PPP1R13B: variants seen among roughly 807,000 people sequenced by gnomAD.
The protein encoded by PPP1R13B is protein phosphatase 1 regulatory subunit 13B.
In PPP1R13B, 44 loss-of-function variants were observed where a neutral mutation model predicts 119.8. The ratio of observed to expected loss-of-function variants is 0.37; its 90% CI spans 0.29 to 0.47. PPP1R13B has a LOEUF of 0.47. PPP1R13B is among the 20% of genes least tolerant of loss of function. The probability of loss-of-function intolerance (pLI) is 0.99; values close to 1 mark genes in which losing one functional copy is unlikely to be tolerated. For synonymous variants in PPP1R13B, 542 were observed against 561.5 expected, an observed-to-expected ratio of 0.97 and a Z score of 0.49; for missense variants, 1,227 against 1,413.5, an observed-to-expected ratio of 0.87 and a Z score of 2.12.
intron 2 of PPP1R13B, among the ~76,000 whole-genome samples, chr14:103,789,916 G>A (rs1010738258): frequency 6.6e-6 from 1 of 152,078 alleles, no homozygotes. Flanking sequence ...TGAGGTGTAA[G>A]ATAAAGAGGA....
At position 103,764,530 on chromosome 14, in the gene PPP1R13B, A is replaced by T. The variant is rs150092031; in HGVS notation, c.355-6779T>A. The T allele has an allele frequency of 3.1e-5, 10 of 320,686 alleles. No homozygotes were observed. The Middle Eastern group carries it at 1.5e-3, about 50-fold the overall frequency. 19.9% of individuals were successfully genotyped at this position (320,686 alleles called of 1,614,324 possible). A position where few individuals can be genotyped will look rare whatever the true frequency, so the allele number is the denominator to read the frequency against. On this transcript the variant is annotated intron_variant, in intron 4 of 16. Coordinates refer to ENST00000202556, the MANE Select transcript of PPP1R13B (RefSeq NM_015316.3). The stretch of plus-strand genomic sequence containing the variant: ...AAATTATTATAGAAGTACAAAATAC[A>T]TCCACAATGTTAATTATTGTAGTCA...
In PPP1R13B at chr14:103,778,809, G is replaced by T. The variant is rs368521027; in HGVS notation, c.290C>A (p.Thr97Asn). The change falls in exon 4 of 17, where the codon ACC becomes AAC. Residue 97 changes from threonine (T) to asparagine (N), a missense_variant. Thr to Asn is a moderately conservative substitution (Grantham distance 65, BLOSUM62 0). Coordinates refer to ENST00000202556, the MANE Select transcript of PPP1R13B (RefSeq NM_015316.3). ...TENSEQGGRQ[T>N]QEQRTQRNVI... ...ATTTCTCTGAGTTCGTTGCTCTTGGGTCTGACGGCCACCTAAAGAAATAAA... is the reference window on the plus strand; with the variant it reads ...ATTTCTCTGAGTTCGTTGCTCTTGGTTCTGACGGCCACCTAAAGAAATAAA... 8 of 1,613,762 alleles carry T rather than the reference G, an allele frequency of 5.0e-6. No homozygotes were observed. The African/African-American group carries it at 5.3e-5, about 11-fold the overall frequency.
Position 103,847,282 on chromosome 14 carries a change from CG to C in PPP1R13B, c.9+16del. ...CGCGGAGGAAGCCGCCGCCACCTCC[CG>C]CCCGCCCTCACCCACCGGCATCATC... On this transcript the variant is annotated intron_variant, in intron 1 of 16. Coordinates refer to ENST00000202556, the MANE Select transcript of PPP1R13B (RefSeq NM_015316.3). 1 of 1,231,534 alleles carries C rather than the reference CG, an allele frequency of 8.1e-7. No individual in the cohort carries two copies. Among genetic ancestry groups the C allele is most frequent in the South Asian group, 1.8e-5 (1 of 56,764 alleles). The allele number at this position is 1,231,534 out of a possible 1,614,324, so 76.3% of individuals were successfully genotyped here.
chr14:103,747,280 G>T (rs948887061), intron 8 of PPP1R13B: 1 of 152,172 alleles, frequency 6.6e-6, no homozygotes, highest in Admixed American at 6.5e-5. Flanking sequence ...AGGTCATTTC[G>T]GGGTGAGGGG....
Position 103,738,796 on chromosome 14 carries a change from T to C in PPP1R13B, c.2747A>G (p.Lys916Arg). Residue 916 changes from lysine (K) to arginine (R), a missense_variant, in exon 14 of 17, where the codon AAG becomes AGG. Lys to Arg is a conservative substitution (Grantham distance 26, BLOSUM62 2). Transcript: ENST00000202556. This position sits in a 1 kb window ranked among gnomAD's most constrained non-coding sequence, Gnocchi z 5.6. ...TGGGGTGATCCCTTCGTCGTTGGGC[T>C]TGCTGGGATCTTCCACCTAGGACAC... The part of the protein sequence containing the change: ...RIIYEVEDPS[K>R]PNDEGITPLH... The C allele has an allele frequency of 6.2e-7, 1 of 1,614,160 alleles. No homozygotes were observed. Among genetic ancestry groups the C allele is most frequent in the Non-Finnish European group, 8.5e-7 (1 of 1,180,034 alleles).
intron 2 of PPP1R13B, chr14:103,794,543 G>T (rs749356398): frequency 3.6e-5 from 13 of 361,996 alleles, no homozygotes; most frequent in South Asian, 1.3e-4. Context: ...GGCCAGGCTG[G>T]TCTCAAACTC....
intron 12 of PPP1R13B, among the ~76,000 whole-genome samples, 199 bp downstream of exon 12, chr14:103,739,621 ATTTG>A (rs1398770941): frequency 6.6e-6 from 1 of 152,106 alleles, no homozygotes; most frequent in Non-Finnish European, 1.5e-5. Flanking sequence ...CACATTGTGC[ATTTG>A]TGTGGCCGAG....
chr14:103,758,347 C>T (rs565299162), intron 4 of PPP1R13B, among the ~76,000 whole-genome samples: 39 of 152,296 alleles, frequency 2.6e-4, no homozygotes, highest in African/African-American at 9.1e-4. Context: ...ATGCCCTGAA[C>T]TAAACACTTT....
intron 1 of PPP1R13B, among the ~76,000 whole-genome samples, chr14:103,821,046 A>G (rs555907454): frequency 1.2e-4 from 19 of 152,026 alleles, no homozygotes; most frequent in African/African-American, 4.6e-4. Flanking sequence ...AAAATCTTAG[A>G]GCCAGATTAG....
chr14:103,762,132 C>T (rs950199536), intron 4 of PPP1R13B, among the ~76,000 whole-genome samples: 1 of 152,160 alleles, frequency 6.6e-6, no homozygotes, highest in Non-Finnish European at 1.5e-5. Context: ...AGTCACAGTG[C>T]AATCTCCCCA....
At chr14:103,806,366 G>A (rs568482258) in intron 1 of PPP1R13B, among the ~76,000 whole-genome samples, 20 of 152,188 alleles carry the variant, frequency 1.3e-4, no homozygotes, top group Non-Finnish European at 2.6e-4. Context: ...GGAGCTCAGG[G>A]ATAACAAAAA....
intron 4 of PPP1R13B, among the ~76,000 whole-genome samples, chr14:103,765,652 C>T (rs1181277299): frequency 6.6e-6 from 1 of 152,176 alleles, no homozygotes; most frequent in East Asian, 1.9e-4. Flanking sequence ...GCATATTTCA[C>T]TCATGCTCTT....
chr14:103,819,152 T>G (rs914174009), intron 1 of PPP1R13B, among the ~76,000 whole-genome samples: 4 of 152,180 alleles, frequency 2.6e-5, no homozygotes, highest in African/African-American at 9.7e-5. Context: ...CCAGCTTGAC[T>G]GAAGCAGGGA....
At chr14:103,762,505 G>A (rs902384544) in intron 4 of PPP1R13B, among the ~76,000 whole-genome samples, 2 of 150,478 alleles carry the variant, frequency 1.3e-5, no homozygotes, top group South Asian at 2.1e-4. Context: ...GTTAAATGAC[G>A]AGTTAATGGG....
rs758098802 is a variant in PPP1R13B at position 103,742,141 on chromosome 14, T to G, written c.1471A>C (p.Ser491Arg). The G allele has an allele frequency of 2.5e-6, 4 of 1,611,938 alleles. No individual in the cohort carries two copies. The Admixed American group carries it at 6.7e-5, about 27-fold the overall frequency. ...CTCTGTCGACTTGGCAGGCCTGCAC[T>G]GGGCCTGGGCAAGCTGCCTTCCTTC... ...RRKEGSLPRP[S>R]AGLPSRQRPT... The change falls in exon 11 of 17, where the codon AGT becomes CGT. Residue 491 changes from serine (S) to arginine (R), a missense_variant. Physicochemically the swap from Ser to Arg is moderately radical, Grantham distance 110 (BLOSUM62 -1). Transcript: ENST00000202556. This position sits in a 1 kb window ranked among gnomAD's most constrained non-coding sequence, Gnocchi z 4.9.
At chr14:103,848,395 G>T, upstream of PPP1R13B, 1 of 985,450 alleles carries the variant, frequency 1.0e-6, no homozygotes, top group Non-Finnish European at 1.2e-6. Context: ...GGGCCTGAGC[G>T]CCGGAGTGAC....
At chr14:103,822,757 G>A (rs549741141) in intron 1 of PPP1R13B, among the ~76,000 whole-genome samples, 3 of 152,070 alleles carry the variant, frequency 2.0e-5, no homozygotes, top group African/African-American at 7.2e-5. Context: ...AGGTTGCAGT[G>A]AGCTGAGATT....
In PPP1R13B at chr14:103,735,197, T is replaced by C; in HGVS notation, c.3232-2A>G. 1 of 1,613,948 alleles carries C rather than the reference T, an allele frequency of 6.2e-7. No individual in the cohort carries two copies. ...TCGGGGTTTGATCCGTGGATACAGC[T>C]GGGAAGCAACGGAGCCGCGTCAGGA... On this transcript the variant is annotated splice_acceptor_variant, in intron 16 of 16. Transcript: ENST00000202556. LOFTEE classifies it high-confidence loss of function.
At chr14:103,820,120 A>C (rs942629810) in intron 1 of PPP1R13B, among the ~76,000 whole-genome samples, 3 of 152,160 alleles carry the variant, frequency 2.0e-5, no homozygotes, top group East Asian at 1.9e-4. Context: ...GGCCAGCAAC[A>C]ATCAGGCTTC....
Sources: gnomAD v4.1 joint callset for allele counts (sites outside exome capture counted in the v4.1 genomes callset) on GRCh38, gnomAD v4.1.1 for gene constraint, Gnocchi (gnomAD v3.1) non-coding constraint, MANE v1.5 for transcripts, NCBI Gene and HGNC (gene_info 2026-07-23, HGNC 2026-07-21) for gene names.